The following ZNF600 variants were observed in gnomAD, a reference collection of about 807,000 sequenced individuals.
ZNF600 encodes the protein zinc finger protein 600.
Under a neutral mutation model 7.3 loss-of-function variants are expected in ZNF600, and 4 were observed. That is an observed-to-expected ratio of 0.55 (90% CI 0.27 to 1.25). The LOEUF is 1.25. Ranked by LOEUF, ZNF600 falls within the 50% of genes most tolerant of loss-of-function variation. The pLI is 0.12. For synonymous variants in ZNF600, 290 were observed against 308.9 expected (o/e 0.94, Z 0.64); for missense variants, 911 against 922.1 (o/e 0.99, Z 0.16).
intron 3 of ZNF600, among the ~76,000 whole-genome samples, chr19:52,773,255 A>G (rs1284124705): frequency 6.6e-6 from 1 of 152,218 alleles, no homozygotes; most frequent in Admixed American, 6.5e-5. Context: ...CTTGGAAGAA[A>G]GTGGAACTAA....
intron 1 of ZNF600, among the ~76,000 whole-genome samples, chr19:52,784,634 A>C (rs2062749564): frequency 6.6e-6 from 1 of 152,202 alleles, no homozygotes; most frequent in Admixed American, 6.5e-5. Flanking sequence ...CATCTGTATA[A>C]TTTAAACAAG....
chr19:52,812,362 T>C, the ZNF600 span, among the ~76,000 whole-genome samples: 5 of 141,072 alleles, frequency 3.5e-5, no homozygotes, highest in African/African-American at 3.0e-5. Context: ...AATCGGATGA[T>C]TGCCGGGTCT....
chr19:52,800,715 T>C, the ZNF600 span: 3 of 1,613,982 alleles, frequency 1.9e-6, no homozygotes, highest in Non-Finnish European at 2.5e-6. Flanking sequence ...CTCTCCAGTA[T>C]GAAGCCTACG....
chr19:52,824,522 A>G, the ZNF600 span, among the ~76,000 whole-genome samples: 1 of 152,048 alleles, frequency 6.6e-6, no homozygotes, highest in African/African-American at 2.4e-5. Flanking sequence ...GTAGTCCCAG[A>G]TACTCAAGAG....
At chr19:52,810,597 C>T in the ZNF600 span, 7 of 1,544,914 alleles carry the variant, frequency 4.5e-6, no homozygotes, top group Non-Finnish European at 4.5e-6. Flanking sequence ...CGCGCCCGAC[C>T]ACCAACTACA....
chr19:52,801,482 A>C, the ZNF600 span: 1 of 1,614,126 alleles, frequency 6.2e-7, no homozygotes, highest in East Asian at 2.2e-5. Flanking sequence ...GGCCTGTACT[A>C]CCAGTCAACT....
Position 52,766,369 on chromosome 19 carries a change from T to C in ZNF600, c.1594A>G (p.Ile532Val), listed in dbSNP as rs748659854. The C allele has an allele frequency of 2.9e-5, 47 of 1,612,974 alleles. No homozygotes were observed. The African/African-American group carries it at 4.8e-4, about 17-fold the overall frequency. Residue 532 changes from isoleucine to valine, a missense_variant, in exon 4 of 4, where the codon ATT (isoleucine) becomes GTT (valine). Ile to Val is a conservative substitution (Grantham distance 29, BLOSUM62 3). Coordinates refer to ENST00000648973, the Ensembl canonical transcript of ZNF600. ...TTGTATGGTTTCTCTCCGGTGTGAA[T>C]TATCTTATGTGTCTCAAGGGTTGAT...
the ZNF600 span, among the ~76,000 whole-genome samples, chr19:52,819,232 A>G: frequency 7.5e-6 from 1 of 133,988 alleles, no homozygotes; most frequent in African/African-American, 2.9e-5. Context: ...GCCAAAGTGA[A>G]GAGTTGGGCT....
At chr19:52,809,197 A>C in the ZNF600 span, among the ~76,000 whole-genome samples, 4 of 152,214 alleles carry the variant, frequency 2.6e-5, no homozygotes, top group Admixed American at 1.3e-4. Context: ...ATCCTAGAAG[A>C]AGCAATCACC....
intron 2 of ZNF600, among the ~76,000 whole-genome samples, chr19:52,775,061 G>A (rs1301574163): frequency 2.6e-5 from 4 of 152,040 alleles, no homozygotes. Context: ...CCAACATGGT[G>A]AAAACCTGTC....
intron 1 of ZNF600, among the ~76,000 whole-genome samples, chr19:52,783,857 C>T (rs1250658391): frequency 6.6e-6 from 1 of 152,026 alleles, no homozygotes; most frequent in Non-Finnish European, 1.5e-5. Flanking sequence ...ATGGTGCGAT[C>T]TCAGCTCACC....
chr19:52,793,044 T>C, the ZNF600 span, among the ~76,000 whole-genome samples: 1 of 150,868 alleles, frequency 6.6e-6, no homozygotes, highest in Non-Finnish European at 1.5e-5. Context: ...CCCGGCCCAA[T>C]CCTCTTAAAC....
the ZNF600 span, chr19:52,800,661 T>C: frequency 1.2e-6 from 2 of 1,613,444 alleles, no homozygotes; most frequent in Non-Finnish European, 1.7e-6. Flanking sequence ...AAGATGTGAT[T>C]TGCGACTGAA....
chr19:52,773,734 T>C (rs2062649565), intron 3 of ZNF600, among the ~76,000 whole-genome samples: 1 of 152,026 alleles, frequency 6.6e-6, no homozygotes, highest in African/African-American at 2.4e-5. Flanking sequence ...TAGCCCGGCA[T>C]GGTGGTGCAT....
chr19:52,777,290 AT>A (rs1372657544), intron 2 of ZNF600, among the ~76,000 whole-genome samples: 1 of 152,204 alleles, frequency 6.6e-6, no homozygotes. Flanking sequence ...AGGCAAAAGA[AT>A]TGCTTGAAGC....
the ZNF600 span, chr19:52,800,533 G>A: frequency 5.0e-6 from 8 of 1,613,426 alleles, no homozygotes; most frequent in Non-Finnish European, 6.8e-6. Context: ...CACTTGTAAG[G>A]CTTCTCTCCA....
chr19:52,787,266 G>A (rs1324053791), upstream of ZNF600, among the ~76,000 whole-genome samples: 3 of 152,188 alleles, frequency 2.0e-5, no homozygotes, highest in South Asian at 2.1e-4. Context: ...GCACGAGGCG[G>A]AAGCCTGAGG....
At chr19:52,829,338 T>A in the ZNF600 span, among the ~76,000 whole-genome samples, 4 of 151,710 alleles carry the variant, frequency 2.6e-5, no homozygotes, top group South Asian at 8.3e-4. Context: ...TAGCATTAGG[T>A]ATCTCTCCCA....
At chr19:52,808,080 T>C in the ZNF600 span, 5 of 1,613,522 alleles carry the variant, frequency 3.1e-6, no homozygotes, top group East Asian at 4.5e-5. Context: ...GGTCCAGGCA[T>C]TTCCACTCCT....
Sources: allele counts gnomAD v4.1 joint callset (sites outside exome capture counted in the v4.1 genomes callset), GRCh38; gene constraint gnomAD v4.1.1; transcripts MANE v1.5; gene names NCBI Gene and HGNC (gene_info 2026-07-23, HGNC 2026-07-21).